Variants in EPHA7 observed in about 807,000 individuals in gnomAD.
The protein encoded by EPHA7 is ephrin type-A receptor 7.
EPHA7 carries 25 observed loss-of-function variants against 112.6 expected under a neutral mutation model. That is an observed-to-expected ratio of 0.22 (90% CI 0.16 to 0.31). EPHA7 has a LOEUF of 0.31. Ranked by LOEUF, EPHA7 falls within the 10% of genes least tolerant of loss-of-function variation. The pLI is 1.00. For synonymous variants in EPHA7, 437 were observed against 406.5 expected, an observed-to-expected ratio of 1.07 and a Z score of -0.90; for missense variants, 962 against 1,212.6, an observed-to-expected ratio of 0.79 and a Z score of 3.07.
In EPHA7 at chr6:93,410,571, T is replaced by C; in HGVS notation, c.762A>G (p.Gly254=). The C allele has an allele frequency of 1.2e-6, 2 of 1,614,046 alleles. No individual in the cohort carries two copies. Among genetic ancestry groups the C allele is most frequent in the Non-Finnish European group, 1.7e-6 (2 of 1,179,944 alleles). The change falls in exon 3 of 17, where the codon GGA becomes GGG. Residue 254 remains glycine (G), a synonymous_variant. Transcript: ENST00000369303. This position sits in a 1 kb window ranked among gnomAD's most constrained non-coding sequence, Gnocchi z 4.0. ...ATTTTCCAATGGGCACTAACCATTC[T>C]CCTTCTGCACTGCAGTGCATCCTGG... is the stretch of plus-strand genomic sequence containing the variant. ...NAPRMHCSAE[G]EWLVPIGKCI...
intron 11 of EPHA7, 67 bp downstream of exon 11, chr6:93,258,032 G>A (rs1366530977): frequency 7.1e-6 from 10 of 1,413,612 alleles, no homozygotes; most frequent in South Asian, 1.2e-5. Flanking sequence ...GTTTTATTGT[G>A]TACATAATAA....
Position 93,242,440 on chromosome 6 carries a change from C to T in EPHA7, c.*986G>A, listed in dbSNP as rs1368989207. On this transcript the variant is annotated 3_prime_UTR_variant, in exon 17 of 17. Transcript: ENST00000369303. ...ATAAAATATATGTCAACTATTTATCCTAAATTTCCTAATGTCACGAGAATG... is the reference window on the plus strand; with the variant it reads ...ATAAAATATATGTCAACTATTTATCTTAAATTTCCTAATGTCACGAGAATG... 5.2e-6 allele frequency: 1 copy of T among 193,446 alleles called. No homozygotes were observed. Among genetic ancestry groups the T allele is most frequent in the Non-Finnish European group, 1.1e-5 (1 of 92,550 alleles). The allele number at this position is 193,446 out of a possible 1,614,324, so 12.0% of individuals were successfully genotyped here.
intron 3 of EPHA7, among the ~76,000 whole-genome samples, chr6:93,401,759 CAA>C (rs546666581): frequency 3.9e-4 from 59 of 151,924 alleles, no homozygotes; most frequent in African/African-American, 1.4e-3. Flanking sequence ...AAAATTGAAA[CAA>C]AAAGATTTTC....
chr6:93,270,780 T>C (rs949053342), intron 6 of EPHA7, among the ~76,000 whole-genome samples: 1 of 151,778 alleles, frequency 6.6e-6, no homozygotes, highest in African/African-American at 2.4e-5. Context: ...TTGTATTACA[T>C]GTATTTATCT....
intron 3 of EPHA7, among the ~76,000 whole-genome samples, chr6:93,378,621 A>G (rs1168181759): frequency 6.6e-6 from 1 of 152,134 alleles, no homozygotes; most frequent in Non-Finnish European, 1.5e-5. Flanking sequence ...CTTAAAATGC[A>G]ATTTGATTTA....
chr6:93,285,584 G>A (rs772297106), intron 5 of EPHA7, among the ~76,000 whole-genome samples: 1 of 151,326 alleles, frequency 6.6e-6, no homozygotes, highest in Non-Finnish European at 1.5e-5. Context: ...GAAAAACCAA[G>A]ACAAAGAATA....
chr6:93,371,120 C>T (rs569186367), intron 3 of EPHA7, among the ~76,000 whole-genome samples: 2 of 151,288 alleles, frequency 1.3e-5, no homozygotes, highest in South Asian at 4.2e-4. Flanking sequence ...GCCCAGATCG[C>T]GCCACTGCAC....
chr6:93,336,625 T>A (rs926976981), intron 5 of EPHA7, among the ~76,000 whole-genome samples: 2 of 151,956 alleles, frequency 1.3e-5, no homozygotes, highest in African/African-American at 4.8e-5. Context: ...ATGGTCTTGA[T>A]CTCCTGACCT....
chr6:93,307,905 A>C (rs1465852975), intron 5 of EPHA7, among the ~76,000 whole-genome samples: 1 of 152,194 alleles, frequency 6.6e-6, no homozygotes, highest in Non-Finnish European at 1.5e-5. Flanking sequence ...GTAGTAAACA[A>C]TATCTACTTA....
At chr6:93,407,315 C>A (rs1162927277) in intron 3 of EPHA7, among the ~76,000 whole-genome samples, 1 of 151,944 alleles carries the variant, frequency 6.6e-6, no homozygotes, top group African/African-American at 2.4e-5. Flanking sequence ...CATTAGTTTT[C>A]CTCAATATAG....
intron 3 of EPHA7, among the ~76,000 whole-genome samples, chr6:93,383,025 A>T (rs2127973032): frequency 6.6e-6 from 1 of 152,208 alleles, no homozygotes; most frequent in East Asian, 1.9e-4. Flanking sequence ...TAAGAGCCCG[A>T]TGTTAAGAGA....
intron 5 of EPHA7, among the ~76,000 whole-genome samples, chr6:93,277,224 C>T (rs1421976787): frequency 6.6e-6 from 1 of 151,906 alleles, no homozygotes; most frequent in Non-Finnish European, 1.5e-5. Context: ...CAACTTTTAG[C>T]TTTCTCACTC....
intron 3 of EPHA7, among the ~76,000 whole-genome samples, chr6:93,373,581 AGT>A (rs1776908060): frequency 6.6e-6 from 1 of 152,098 alleles, no homozygotes; most frequent in African/African-American, 2.4e-5. Flanking sequence ...TGGTTTTGCC[AGT>A]TGTTTACCAT....
At chr6:93,263,780 A>C in intron 9 of EPHA7, 80 bp downstream of exon 9, 1 of 1,096,064 alleles carries the variant, frequency 9.1e-7, no homozygotes, top group Non-Finnish European at 1.4e-6. Flanking sequence ...ATGCATGAGG[A>C]CTTTGTTAAT....
intron 8 of EPHA7, 150 bp from the exon 9 acceptor site, chr6:93,264,065 C>T (rs544265068): frequency 8.6e-6 from 4 of 466,580 alleles, no homozygotes; most frequent in South Asian, 1.2e-4. Context: ...TAGCGATTCA[C>T]GATTAAAATT....
At chr6:93,318,047 C>A (rs932918101) in intron 5 of EPHA7, among the ~76,000 whole-genome samples, 32 of 152,060 alleles carry the variant, frequency 2.1e-4, no homozygotes, top group African/African-American at 7.2e-4. Flanking sequence ...AATGACTAAT[C>A]CAATTATGGC....
chr6:93,362,144 T>TAAAA (rs1776292007), intron 3 of EPHA7, among the ~76,000 whole-genome samples: 1 of 152,014 alleles, frequency 6.6e-6, no homozygotes, highest in African/African-American at 2.4e-5. Flanking sequence ...TATCCTAGAG[T>TAAAA]TAAAACCTGT....
intron 5 of EPHA7, among the ~76,000 whole-genome samples, chr6:93,282,258 A>G (rs996598168): frequency 3.9e-5 from 6 of 152,362 alleles, no homozygotes; most frequent in African/African-American, 1.2e-4. Context: ...TTAATCATAC[A>G]CATTCATAAT....
rs575300886 is a variant in EPHA7, at chr6:93,298,983, G to C, written c.1325-26561C>G. Among the ~76,000 whole-genome samples, 287 of 152,146 alleles carry C rather than the reference G, an allele frequency of 1.9e-3. 1 individual carries two copies. Among genetic ancestry groups the C allele is most frequent in the Admixed American group, 3.1e-3 (48 of 15,278 alleles). ...AAAAAACATTAAAAAGTGGGCACAG[G>C]AAATGAACAGACGTTTTTCAAAAGA... On this transcript the variant is annotated intron_variant, in intron 5 of 16. Transcript: ENST00000369303.
Sources: gnomAD v4.1 joint callset for allele counts (sites outside exome capture counted in the v4.1 genomes callset) on GRCh38, gnomAD v4.1.1 for gene constraint, Gnocchi (gnomAD v3.1) non-coding constraint, MANE v1.5 for transcripts, NCBI Gene and HGNC (gene_info 2026-07-23, HGNC 2026-07-21) for gene names.